Variants in CACNA2D3 observed in about 807,000 individuals in gnomAD.
CACNA2D3 encodes voltage-dependent calcium channel subunit alpha-2/delta-3.
Under a neutral mutation model 160.6 loss-of-function variants are expected in CACNA2D3, and 60 were observed. The observed-to-expected ratio is 0.37, with a 90% CI of 0.30 to 0.46. The LOEUF (loss-of-function observed/expected upper bound fraction) is 0.46. Among genes scored for constraint, CACNA2D3 ranks in the 20% least tolerant of loss-of-function variants. CACNA2D3 has a pLI of 1.00. For synonymous variants in CACNA2D3, 558 were observed against 492.9 expected (o/e 1.13, Z -1.75); for missense variants, 1,205 against 1,365.0 (o/e 0.88, Z 1.85).
chr3:54,293,749 C>A (rs1703265798), intron 2 of CACNA2D3, among the ~76,000 whole-genome samples: 1 of 152,150 alleles, frequency 6.6e-6, no homozygotes, highest in Admixed American at 6.5e-5. Context: ...AGAGGCAGAT[C>A]TGTTAGGACA....
intron 4 of CACNA2D3, among the ~76,000 whole-genome samples, chr3:54,469,322 C>G (rs1559490553): frequency 6.6e-6 from 1 of 152,160 alleles, no homozygotes; most frequent in Non-Finnish European, 1.5e-5. Flanking sequence ...TCCAGCAGAC[C>G]TTTTGCAGAG....
chr3:54,850,822 G>A (rs1213507036), intron 17 of CACNA2D3, among the ~76,000 whole-genome samples: 1 of 152,242 alleles, frequency 6.6e-6, no homozygotes, highest in Non-Finnish European at 1.5e-5. Flanking sequence ...AGGAGATGAG[G>A]AAGGATGCTG....
chr3:54,694,024 T>TA (rs1250350155), intron 11 of CACNA2D3, among the ~76,000 whole-genome samples: 1 of 152,188 alleles, frequency 6.6e-6, no homozygotes, highest in Non-Finnish European at 1.5e-5. Flanking sequence ...ATAGTGCTTC[T>TA]AAAGTGTACA....
In CACNA2D3 at chr3:54,304,582, T is replaced by C. The variant is rs533979074; in HGVS notation, c.205-15860T>C. On this transcript the variant is annotated intron_variant, in intron 2 of 37. Coordinates refer to ENST00000474759, the MANE Select transcript of CACNA2D3 (RefSeq NM_018398.3). ...TTGGGAGAATGAGGATTAACATTTT[T>C]CCCCCTTCTATTTGATTACATCTAC... Among the ~76,000 whole-genome samples the C allele has an allele frequency of 5.3e-5, 8 of 152,292 alleles. No homozygotes were observed. The East Asian group carries it at 1.3e-3, about 26-fold the overall frequency.
At chr3:54,707,457 C>G (rs780683270) in intron 11 of CACNA2D3, among the ~76,000 whole-genome samples, 2 of 152,174 alleles carry the variant, frequency 1.3e-5, no homozygotes, top group Non-Finnish European at 2.9e-5. Context: ...GACATTCACA[C>G]CCATGTCCCA....
At chr3:54,541,341 G>C (rs1701976059) in intron 5 of CACNA2D3, among the ~76,000 whole-genome samples, 3 of 150,378 alleles carry the variant, frequency 2.0e-5, no homozygotes, top group African/African-American at 7.3e-5. Context: ...GACACACAGA[G>C]GCACATAGAG....
At chr3:54,696,282 G>A (rs914845413) in intron 11 of CACNA2D3, among the ~76,000 whole-genome samples, 5 of 152,124 alleles carry the variant, frequency 3.3e-5, no homozygotes, top group African/African-American at 7.2e-5. Flanking sequence ...ATCTCAAGAC[G>A]GTGGGCTGGA....
intron 11 of CACNA2D3, among the ~76,000 whole-genome samples, chr3:54,749,618 A>G (rs190045507): frequency 1.4e-3 from 212 of 152,292 alleles, no homozygotes; most frequent in African/African-American, 4.6e-3. Flanking sequence ...AATATTTCCT[A>G]CTTTAAAGTA....
chr3:54,766,462 C>G (rs960031865), intron 13 of CACNA2D3, among the ~76,000 whole-genome samples: 1 of 152,150 alleles, frequency 6.6e-6, no homozygotes, highest in Admixed American at 6.5e-5. Flanking sequence ...AAAGCTTAAC[C>G]TTGCACTCTG....
At chr3:54,502,258 C>T (rs534420805) in intron 4 of CACNA2D3, among the ~76,000 whole-genome samples, 2 of 152,312 alleles carry the variant, frequency 1.3e-5, no homozygotes, top group East Asian at 3.9e-4. Flanking sequence ...TCCCATTACA[C>T]ATATGTTACA....
At chr3:54,451,825 T>C (rs1266483067) in intron 4 of CACNA2D3, among the ~76,000 whole-genome samples, 1 of 152,214 alleles carries the variant, frequency 6.6e-6, no homozygotes, top group African/African-American at 2.4e-5. Flanking sequence ...TAAGTTCTGC[T>C]TTCTACCCAG....
At chr3:54,517,932 A>G (rs1035779233) in intron 5 of CACNA2D3, among the ~76,000 whole-genome samples, 1 of 152,082 alleles carries the variant, frequency 6.6e-6, no homozygotes, top group African/African-American at 2.4e-5. Flanking sequence ...ATCCTACCAT[A>G]AGAGGTCAGC....
intron 13 of CACNA2D3, among the ~76,000 whole-genome samples, chr3:54,798,223 A>G (rs1702908096): frequency 6.6e-6 from 1 of 152,198 alleles, no homozygotes; most frequent in Non-Finnish European, 1.5e-5. Flanking sequence ...GTCTTTACAT[A>G]GTGTCATTTT....
chr3:54,578,006 C>T (rs1702614592), intron 8 of CACNA2D3, among the ~76,000 whole-genome samples: 1 of 152,170 alleles, frequency 6.6e-6, no homozygotes, highest in African/African-American at 2.4e-5. Context: ...CATTTCCTTA[C>T]CGTGTAGTTG....
chr3:54,879,558 A>AGGCTGCTTTTGTTTTCCTTC (rs1291309054), intron 20 of CACNA2D3, 147 bp downstream of exon 20: 4 of 627,820 alleles, frequency 6.4e-6, no homozygotes, highest in Non-Finnish European at 1.1e-5. Context: ...GGCTTTTCCC[A>AGGCTGCTTTTGTTTTCCTTC]GGCTGCTTTT....
At chr3:54,808,724 T>C (rs147416909) in intron 13 of CACNA2D3, among the ~76,000 whole-genome samples, 6 of 152,252 alleles carry the variant, frequency 3.9e-5, no homozygotes, top group Non-Finnish European at 8.8e-5. Context: ...ATAACACTAT[T>C]AGTAGAGATA....
At chr3:54,496,406 G>T (rs1701203705) in intron 4 of CACNA2D3, among the ~76,000 whole-genome samples, 1 of 152,124 alleles carries the variant, frequency 6.6e-6, no homozygotes, top group African/African-American at 2.4e-5. Context: ...GATGACTAAT[G>T]ACATTGAACA....
intron 27 of CACNA2D3, among the ~76,000 whole-genome samples, chr3:54,948,503 G>A (rs972451756): frequency 2.0e-5 from 3 of 152,230 alleles, no homozygotes; most frequent in Non-Finnish European, 4.4e-5. Context: ...GGCAAAGGTA[G>A]CATCTTCCTG....
At chr3:54,460,932 T>G (rs1448810663) in intron 4 of CACNA2D3, among the ~76,000 whole-genome samples, 1 of 152,186 alleles carries the variant, frequency 6.6e-6, no homozygotes, top group African/African-American at 2.4e-5. Context: ...TAGCTCTTAT[T>G]ATTTTGAGAT....
Sources: allele counts gnomAD v4.1 joint callset (sites outside exome capture counted in the v4.1 genomes callset), GRCh38; gene constraint gnomAD v4.1.1; transcripts MANE v1.5; gene names NCBI Gene and HGNC (gene_info 2026-07-23, HGNC 2026-07-21).